Variants in MVB12B observed in about 807,000 individuals in gnomAD.
The protein encoded by MVB12B is ESCRT-I complex subunit MVB12B.
MVB12B carries 16 observed loss-of-function variants against 41.6 expected under a neutral mutation model. The observed-to-expected ratio is 0.38, with a 90% CI of 0.26 to 0.58. MVB12B has a LOEUF of 0.58. Among genes scored for constraint, MVB12B ranks in the 20% least tolerant of loss-of-function variants. The pLI, the probability that MVB12B is intolerant of heterozygous loss-of-function variation, is 0.62. For synonymous variants in MVB12B, 133 were observed against 139.7 expected (o/e 0.95, Z 0.34); for missense variants, 274 against 380.2 (o/e 0.72, Z 2.32).
chr9:126,401,661 G>C (rs1564311255), intron 6 of MVB12B, among the ~76,000 whole-genome samples: 1 of 152,214 alleles, frequency 6.6e-6, no homozygotes, highest in Admixed American at 6.5e-5. Flanking sequence ...AAATCATGCC[G>C]TGGTGATCTA....
intron 2 of MVB12B, among the ~76,000 whole-genome samples, chr9:126,374,007 G>A (rs1830413858): frequency 1.3e-5 from 2 of 152,178 alleles, no homozygotes; most frequent in African/African-American, 4.8e-5. Flanking sequence ...TATAAACCAT[G>A]TTGTAACTTA....
intron 7 of MVB12B, among the ~76,000 whole-genome samples, chr9:126,457,495 T>G (rs1833006595): frequency 6.6e-6 from 1 of 152,202 alleles, no homozygotes; most frequent in Non-Finnish European, 1.5e-5. Flanking sequence ...CCACCAATCC[T>G]AGCCACCATG....
chr9:126,409,064 C>G (rs1438060435), intron 6 of MVB12B, among the ~76,000 whole-genome samples: 1 of 152,124 alleles, frequency 6.6e-6, no homozygotes, highest in East Asian at 1.9e-4. Context: ...CTGCCCCCAC[C>G]TCCACCATTC....
chr9:126,377,457 A>G lies in MVB12B; in HGVS notation c.205-3607A>G, dbSNP rs577555565. 9.2e-5 allele frequency among the ~76,000 whole-genome samples: 14 copies of G among 152,260 alleles called. No homozygotes were observed. The East Asian group carries it at 2.3e-3, about 25-fold the overall frequency. On this transcript the variant is annotated intron_variant, in intron 2 of 9. Transcript: ENST00000361171. ...AATGGATATGTGTCTCAGAGTGGTG[A>G]TTTTGAAGGGGATTCACTCAGCTCA...
At chr9:126,409,082 C>A (rs755429235) in intron 6 of MVB12B, among the ~76,000 whole-genome samples, 1 of 152,026 alleles carries the variant, frequency 6.6e-6, no homozygotes, top group Non-Finnish European at 1.5e-5. Context: ...TTCTGCTGAG[C>A]CCCTGGCCAC....
chr9:126,424,636 CTG>C (rs1832119735), intron 7 of MVB12B, among the ~76,000 whole-genome samples: 1 of 152,242 alleles, frequency 6.6e-6, no homozygotes, highest in African/African-American at 2.4e-5. Flanking sequence ...ATTTGAGACA[CTG>C]TGCATTCTGC....
chr9:126,416,769 G>T (rs1289334310), intron 6 of MVB12B, among the ~76,000 whole-genome samples: 2 of 152,160 alleles, frequency 1.3e-5, no homozygotes, highest in African/African-American at 4.8e-5. Flanking sequence ...TAAAAAGGTT[G>T]TTGAGGTGAT....
chr9:126,361,937 T>G (rs1830041966), intron 2 of MVB12B, among the ~76,000 whole-genome samples: 1 of 151,658 alleles, frequency 6.6e-6, no homozygotes. Context: ...AAAAAGATGT[T>G]GCTCCATTAT....
rs1248349880 is a variant in MVB12B at position 126,386,548 on chromosome 9, T to C, written c.313-14T>C. The C allele has an allele frequency of 6.2e-7, 1 of 1,604,304 alleles. No homozygotes were observed. Among genetic ancestry groups the C allele is most frequent in the Non-Finnish European group, 8.5e-7 (1 of 1,171,354 alleles). ...TCAGATTAATAGTCTGTATCTCTTT[T>C]CTTTCTTCCCAAGAGTCATCTGGGG... is the stretch of plus-strand genomic sequence containing the variant. On this transcript the variant is annotated splice_polypyrimidine_tract_variant and intron_variant, in intron 3 of 9. Transcript: ENST00000361171. The surrounding 1 kb of genome is among the most constrained non-coding windows in gnomAD (Gnocchi z 4.3).
Position 126,340,553 on chromosome 9 carries a change from C to A in MVB12B, c.127C>A (p.Pro43Thr). The change falls in exon 2 of 10, where the codon CCA becomes ACA. Residue 43 changes from proline (P) to threonine (T), a missense_variant. By Grantham distance (38) the Pro-to-Thr change is conservative. Transcript: ENST00000361171. This position sits in a 1 kb window ranked among gnomAD's most constrained non-coding sequence, Gnocchi z 4.0. The stretch of plus-strand genomic sequence containing the variant: ...AGTCAAAGACCTCTCAGAAGCCTTG[C>A]CAGAAACGTCAATGGATCCCATCAC... ...PEVKDLSEALPETSMDPITGV... is the reference protein window; with the variant it reads ...PEVKDLSEALTETSMDPITGV... The A allele has an allele frequency of 6.2e-7, 1 of 1,614,166 alleles. No individual in the cohort carries two copies. The highest frequency in any genetic ancestry group is 8.5e-7 in the Non-Finnish European group (1 of 1,179,988).
At chr9:126,331,523 A>G (rs1829131110) in intron 1 of MVB12B, among the ~76,000 whole-genome samples, 1 of 152,190 alleles carries the variant, frequency 6.6e-6, no homozygotes, top group Non-Finnish European at 1.5e-5. Context: ...TTAACTCCTC[A>G]TCAGATACAT....
Position 126,421,998 on chromosome 9 carries a change from G to A in MVB12B, c.757+50G>A, listed in dbSNP as rs543205812. On this transcript the variant is annotated intron_variant, in intron 7 of 9. Transcript: ENST00000361171. The stretch of plus-strand genomic sequence containing the variant: ...CAGCTACAGAGTCTGTGTCCCGGGC[G>A]CCACCTCCTTCCACACGTTCTCTGT... 888 of 1,318,892 alleles carry A rather than the reference G, an allele frequency of 6.7e-4. 12 individuals are homozygous for A. The South Asian group carries it at 0.01, about 15-fold the overall frequency. The allele number at this position is 1,318,892 out of a possible 1,614,324, so 81.7% of individuals were successfully genotyped here. A position where few individuals can be genotyped will look rare whatever the true frequency, so the allele number is the denominator to read the frequency against.
At chr9:126,430,423 C>G (rs1041912430) in intron 7 of MVB12B, among the ~76,000 whole-genome samples, 1 of 152,166 alleles carries the variant, frequency 6.6e-6, no homozygotes, top group South Asian at 2.1e-4. Flanking sequence ...AGGCCACTCC[C>G]AAGCTGCCTC....
At chr9:126,366,382 A>C (rs746564477) in intron 2 of MVB12B, among the ~76,000 whole-genome samples, 3 of 151,510 alleles carry the variant, frequency 2.0e-5, no homozygotes, top group Non-Finnish European at 4.4e-5. Flanking sequence ...GAACTAGTAC[A>C]TGTTCATTAT....
At chr9:126,494,970 T>C (rs1833801085) in intron 9 of MVB12B, among the ~76,000 whole-genome samples, 2 of 151,378 alleles carry the variant, frequency 1.3e-5, no homozygotes, top group South Asian at 4.2e-4. Context: ...GGTGGGTGGA[T>C]CACTGGAGCC....
chr9:126,336,770 A>ACACACACT (rs1193253990), intron 1 of MVB12B, among the ~76,000 whole-genome samples: 10 of 151,640 alleles, frequency 6.6e-5, no homozygotes, highest in Admixed American at 3.3e-4. Context: ...ACACACACAC[A>ACACACACT]CACACACACA....
chr9:126,501,924 G>T (rs921014893), intron 9 of MVB12B, among the ~76,000 whole-genome samples: 2 of 151,996 alleles, frequency 1.3e-5, no homozygotes, highest in Non-Finnish European at 2.9e-5. Context: ...GCAGTGCTCC[G>T]CCTCCTGCTG....
chr9:126,493,175 C>T (rs1247391058), intron 9 of MVB12B, among the ~76,000 whole-genome samples: 1 of 152,034 alleles, frequency 6.6e-6, no homozygotes, highest in Admixed American at 6.6e-5. Context: ...ACATTCACCC[C>T]TGTTTTCCCT....
chr9:126,346,126 C>T (rs1414235016), intron 2 of MVB12B, among the ~76,000 whole-genome samples: 1 of 152,106 alleles, frequency 6.6e-6, no homozygotes, highest in Non-Finnish European at 1.5e-5. Flanking sequence ...AAAAGAGGCT[C>T]TTAGACAGAT....
Sources: allele counts gnomAD v4.1 joint callset (sites outside exome capture counted in the v4.1 genomes callset), GRCh38; gene constraint gnomAD v4.1.1; non-coding constraint Gnocchi (gnomAD v3.1); transcripts MANE v1.5; gene names NCBI Gene and HGNC (gene_info 2026-07-23, HGNC 2026-07-21).